SLC16A10: variants seen among roughly 807,000 people sequenced by gnomAD.
The protein encoded by SLC16A10 is monocarboxylate transporter 10.
SLC16A10 carries 27 observed loss-of-function variants against 40.0 expected under a neutral mutation model. The observed-to-expected ratio is 0.67, with a 90% CI of 0.50 to 0.93. The LOEUF (loss-of-function observed/expected upper bound fraction) is 0.93. Ranked by LOEUF, SLC16A10 falls within the 40% of genes least tolerant of loss-of-function variation. The pLI is 0.00. For missense variants in SLC16A10, 529 were observed against 658.2 expected, an observed-to-expected ratio of 0.80 and a Z score of 2.15; for synonymous variants, 213 against 249.8, an observed-to-expected ratio of 0.85 and a Z score of 1.39.
intron 1 of SLC16A10, among the ~76,000 whole-genome samples, chr6:111,122,090 ACCT>A (rs1424857436): frequency 6.6e-6 from 1 of 151,740 alleles, no homozygotes; most frequent in Non-Finnish European, 1.5e-5. Context: ...GTCACCCTCC[ACCT>A]CTTGCTGGGT....
chr6:111,159,974 G>T (rs1266529761), intron 1 of SLC16A10, among the ~76,000 whole-genome samples: 1 of 151,982 alleles, frequency 6.6e-6, no homozygotes, highest in African/African-American at 2.4e-5. Context: ...AAATTGAGTT[G>T]CTTGGTTTTT....
intron 3 of SLC16A10, among the ~76,000 whole-genome samples, chr6:111,201,336 A>G (rs149202576): frequency 3.3e-5 from 5 of 152,300 alleles, no homozygotes; most frequent in Non-Finnish European, 7.4e-5. Flanking sequence ...AGTTCTGCCT[A>G]GAAGACAGTT....
intron 5 of SLC16A10, among the ~76,000 whole-genome samples, chr6:111,221,060 A>G (rs775329535): frequency 6.6e-6 from 1 of 152,364 alleles, no homozygotes; most frequent in South Asian, 2.1e-4. Context: ...TAATTGGACA[A>G]ATGGTCAGCT....
intron 5 of SLC16A10, 114 bp from the exon 6 acceptor site, chr6:111,221,889 T>TA (rs745942838): frequency 0.05 from 38,072 of 763,966 alleles, 5 homozygotes; most frequent in Non-Finnish European, 0.055. Context: ...ATCTGTTTCC[T>TA]AAAAAAAAAA....
intron 1 of SLC16A10, among the ~76,000 whole-genome samples, chr6:111,159,067 CAAAAAAA>C (rs548809670): frequency 2.6e-4 from 6 of 23,404 alleles, no homozygotes; most frequent in Middle Eastern, 0.033. Flanking sequence ...GACCCTGACT[CAAAAAAA>C]AAAAAAAAAA....
intron 3 of SLC16A10, among the ~76,000 whole-genome samples, chr6:111,198,478 C>T (rs1358280457): frequency 6.6e-6 from 1 of 152,110 alleles, no homozygotes; most frequent in African/African-American, 2.4e-5. Flanking sequence ...ATAGAGTGTA[C>T]TTAGACAACC....
At chr6:111,156,066 C>A (rs1048253782) in intron 1 of SLC16A10, among the ~76,000 whole-genome samples, 1 of 151,936 alleles carries the variant, frequency 6.6e-6, no homozygotes, top group Non-Finnish European at 1.5e-5. Flanking sequence ...TCACAGGAGC[C>A]ATGTGAAAGA....
intron 1 of SLC16A10, among the ~76,000 whole-genome samples, chr6:111,136,725 T>G (rs1477754476): frequency 6.6e-6 from 1 of 152,202 alleles, no homozygotes; most frequent in Non-Finnish European, 1.5e-5. Flanking sequence ...AGTTCCTTTG[T>G]AGAAAAAGGA....
At position 111,181,970 on chromosome 6, in the gene SLC16A10, TTTTTG is replaced by T. The variant is rs370869552; in HGVS notation, c.942+4330_942+4334del. Among the ~76,000 whole-genome samples, 408 of 152,096 alleles carry T rather than the reference TTTTTG, an allele frequency of 2.7e-3. 5 individuals carry two copies. Among genetic ancestry groups the T allele is most frequent in the African/African-American group, 9.6e-3 (399 of 41,500 alleles). On this transcript the variant is annotated intron_variant, in intron 3 of 5. Transcript: ENST00000368851. ...GTTTTGTTTTGTTTTCTGGAATCTT[TTTTTG>T]TTTTGTTTTGTTTTGTTTTGTTTTT... is the stretch of plus-strand genomic sequence containing the variant.
intron 1 of SLC16A10, among the ~76,000 whole-genome samples, chr6:111,119,253 A>G (rs1330953619): frequency 6.6e-6 from 1 of 152,212 alleles, no homozygotes; most frequent in Non-Finnish European, 1.5e-5. Flanking sequence ...GAGATGCTTC[A>G]TTTTAATCCT....
At chr6:111,113,902 T>G (rs1443319460) in intron 1 of SLC16A10, among the ~76,000 whole-genome samples, 1 of 152,144 alleles carries the variant, frequency 6.6e-6, no homozygotes, top group African/African-American at 2.4e-5. Context: ...TCTCAGTGCC[T>G]GCGTGGCTGA....
chr6:111,124,320 T>C (rs1352158521), intron 1 of SLC16A10, among the ~76,000 whole-genome samples: 1 of 151,450 alleles, frequency 6.6e-6, no homozygotes, highest in Admixed American at 6.6e-5. Context: ...AAAAAAAAAC[T>C]TAAAGAACTT....
chr6:111,172,656 C>T (rs1300433040), intron 1 of SLC16A10, 39 bp from the exon 2 acceptor site: 5 of 1,594,284 alleles, frequency 3.1e-6, no homozygotes, highest in Non-Finnish European at 4.3e-6. Flanking sequence ...TATAACTTAC[C>T]ATGTCATAAT....
intron 1 of SLC16A10, among the ~76,000 whole-genome samples, chr6:111,116,322 A>G (rs1771486248): frequency 6.6e-6 from 1 of 152,026 alleles, no homozygotes; most frequent in African/African-American, 2.4e-5. Flanking sequence ...GGTTCAAGCA[A>G]TTCTCATGCC....
chr6:111,151,568 T>C (rs1400348334), intron 1 of SLC16A10, among the ~76,000 whole-genome samples: 3 of 152,198 alleles, frequency 2.0e-5, no homozygotes, highest in Non-Finnish European at 4.4e-5. Context: ...CTATGAGCAT[T>C]CTGTTCTTCA....
At chr6:111,219,520 T>TAA (rs1354651742) in intron 5 of SLC16A10, among the ~76,000 whole-genome samples, 1 of 143,852 alleles carries the variant, frequency 7.0e-6, no homozygotes, top group East Asian at 2.0e-4. Context: ...ACCCTATCTT[T>TAA]AAAAAAAAAA....
intron 1 of SLC16A10, among the ~76,000 whole-genome samples, chr6:111,128,977 T>TTTTCATATATTTCATA (rs1302841299): frequency 7.8e-6 from 1 of 127,788 alleles, no homozygotes; most frequent in Non-Finnish European, 1.9e-5. Context: ...TTGTTTTATT[T>TTTTCATATATTTCATA]TTTCATATTT....
At chr6:111,209,656 G>T (rs1266396957) in intron 4 of SLC16A10, among the ~76,000 whole-genome samples, 1 of 152,096 alleles carries the variant, frequency 6.6e-6, no homozygotes, top group Non-Finnish European at 1.5e-5. Flanking sequence ...TTCATGGGCT[G>T]CATGAAGTAA....
chr6:111,111,731 T>C (rs1771389834), intron 1 of SLC16A10, among the ~76,000 whole-genome samples: 1 of 152,220 alleles, frequency 6.6e-6, no homozygotes, highest in African/African-American at 2.4e-5. Context: ...CCTTTTAAGA[T>C]TCTACATGTC....
Sources: gnomAD v4.1 joint callset for allele counts (sites outside exome capture counted in the v4.1 genomes callset) on GRCh38, gnomAD v4.1.1 for gene constraint, MANE v1.5 for transcripts, NCBI Gene and HGNC (gene_info 2026-07-23, HGNC 2026-07-21) for gene names.